The following CDKN2B-AS1 variants were observed in gnomAD, a reference collection of about 807,000 sequenced individuals.
CDKN2B-AS1 encodes the protein CDKN2B antisense RNA 1 (non-protein coding).
intron 1 of CDKN2B-AS1, among the ~76,000 whole-genome samples, chr9:21,998,622 GTTAA>G (rs1056452321): frequency 4.6e-5 from 7 of 152,182 alleles, no homozygotes; most frequent in African/African-American, 1.7e-4. Flanking sequence ...AAAAACCTGA[GTTAA>G]TTGAGTTTTT....
chr9:22,063,375 G>A (rs567085762), intron 4 of CDKN2B-AS1, among the ~76,000 whole-genome samples: 2 of 152,276 alleles, frequency 1.3e-5, no homozygotes, highest in South Asian at 2.1e-4. Context: ...TATGTTGCCT[G>A]CTTAAAGTAA....
chr9:22,115,667 G>T (rs1825930857), intron 4 of CDKN2B-AS1, among the ~76,000 whole-genome samples: 1 of 152,052 alleles, frequency 6.6e-6, no homozygotes, highest in Non-Finnish European at 1.5e-5. Context: ...GGGTGGGTGG[G>T]ACCTGTGCTC....
At chr9:22,105,067 C>T (rs1006288073) in intron 4 of CDKN2B-AS1, among the ~76,000 whole-genome samples, 2 of 152,194 alleles carry the variant, frequency 1.3e-5, no homozygotes, top group Non-Finnish European at 1.5e-5. Flanking sequence ...GGGTCCTTAA[C>T]CACCTACTCA....
chr9:22,052,040 C>G (rs903975065), intron 3 of CDKN2B-AS1, among the ~76,000 whole-genome samples: 2 of 152,020 alleles, frequency 1.3e-5, no homozygotes, highest in South Asian at 2.1e-4. Flanking sequence ...GGTGGGGGAT[C>G]CTGGTGGCCA....
Position 22,005,004 on chromosome 9 carries a change from T to C in CDKN2B-AS1, n.29+9843T>C, listed in dbSNP as rs1821094619. ...TTTTAACTGAGAGCCACTAGTTATGTTACTTAAAATCTCCCCATTAAATAA... is the reference window on the plus strand; with the variant it reads ...TTTTAACTGAGAGCCACTAGTTATGCTACTTAAAATCTCCCCATTAAATAA... On this transcript the variant is annotated intron_variant and non_coding_transcript_variant, in intron 1 of 4. Coordinates refer to ENST00000650946, the Ensembl canonical transcript of CDKN2B-AS1. The surrounding 1 kb of genome is among the most constrained non-coding windows in gnomAD (Gnocchi z 4.9). The C allele has an allele frequency of 4.3e-6, 1 of 233,298 alleles. No individual in the cohort carries two copies. The highest frequency in any genetic ancestry group is 6.0e-5 in the East Asian group (1 of 16,592). The allele number at this position is 233,298 out of a possible 1,614,324, so 14.5% of individuals were successfully genotyped here. A position where few individuals can be genotyped will look rare whatever the true frequency, so the allele number is the denominator to read the frequency against.
chr9:22,023,169 C>G (rs865810778), intron 1 of CDKN2B-AS1, among the ~76,000 whole-genome samples: 3 of 152,210 alleles, frequency 2.0e-5, no homozygotes, highest in Middle Eastern at 6.8e-3. Context: ...ATGTTGGCCT[C>G]TCTGGCTAGG....
chr9:22,126,337 A>G (rs182796288), intron 4 of CDKN2B-AS1, among the ~76,000 whole-genome samples: 30 of 152,302 alleles, frequency 2.0e-4, no homozygotes, highest in South Asian at 8.3e-4. Context: ...TGAGAGGTCT[A>G]TCATAGGTGA....
At chr9:22,046,401 T>G (rs75916660) in intron 1 of CDKN2B-AS1, 1 of 152,148 alleles carries the variant, frequency 6.6e-6, no homozygotes, top group African/African-American at 2.4e-5. Context: ...TTTGAGCTCA[T>G]GTACTTAACC....
At chr9:22,073,789 GA>G (rs1824389026) in intron 4 of CDKN2B-AS1, among the ~76,000 whole-genome samples, 1 of 151,988 alleles carries the variant, frequency 6.6e-6, no homozygotes, top group Admixed American at 6.6e-5. Flanking sequence ...ATTTCTATTT[GA>G]GAGTTGGTTG....
intron 1 of CDKN2B-AS1, chr9:22,008,768 C>T: frequency 6.2e-7 from 1 of 1,609,582 alleles, no homozygotes; most frequent in South Asian, 1.1e-5. Context: ...CGCGCGCCCC[C>T]TGCCGGCGAG....
At chr9:22,083,763 G>T (rs992242667) in intron 4 of CDKN2B-AS1, among the ~76,000 whole-genome samples, 1 of 152,182 alleles carries the variant, frequency 6.6e-6, no homozygotes, top group Non-Finnish European at 1.5e-5. Flanking sequence ...TAGGTAAGAT[G>T]CTGAGTTCAG....
At chr9:22,061,689 C>CTT (rs1180745158) in intron 4 of CDKN2B-AS1, among the ~76,000 whole-genome samples, 1 of 151,972 alleles carries the variant, frequency 6.6e-6, no homozygotes, top group Non-Finnish European at 1.5e-5. Flanking sequence ...TTGAAAATTA[C>CTT]TTGTGTTTAT....
At chr9:22,059,876 C>G (rs558931022) in intron 4 of CDKN2B-AS1, among the ~76,000 whole-genome samples, 1 of 152,346 alleles carries the variant, frequency 6.6e-6, no homozygotes, top group East Asian at 1.9e-4. Context: ...CTTGGGGCTT[C>G]CACCCTCTGA....
At chr9:22,060,659 A>T (rs143256360) in intron 4 of CDKN2B-AS1, among the ~76,000 whole-genome samples, 221 of 152,300 alleles carry the variant, frequency 1.5e-3, no homozygotes, top group African/African-American at 4.9e-3. Context: ...AATTTACTGT[A>T]TTAGTCTGTT....
chr9:22,113,014 G>C (rs1277380709), intron 4 of CDKN2B-AS1, among the ~76,000 whole-genome samples: 1 of 152,170 alleles, frequency 6.6e-6, no homozygotes, highest in African/African-American at 2.4e-5. Context: ...GTGACGAAGT[G>C]AGAAAACTGA....
intron 4 of CDKN2B-AS1, among the ~76,000 whole-genome samples, chr9:22,089,825 A>G (rs1366887815): frequency 6.6e-6 from 1 of 151,848 alleles, no homozygotes; most frequent in Non-Finnish European, 1.5e-5. Flanking sequence ...ATAAATTACT[A>G]AATTCTTTTT....
chr9:22,064,563 G>A (rs76106677), intron 4 of CDKN2B-AS1, among the ~76,000 whole-genome samples: 2,146 of 152,282 alleles, frequency 0.014, 16 homozygotes, highest in Non-Finnish European at 0.021. Context: ...ACCTTAATTG[G>A]AATTAATTGA....
At chr9:22,008,182 T>G (rs938277748) in intron 1 of CDKN2B-AS1, among the ~76,000 whole-genome samples, 2 of 152,234 alleles carry the variant, frequency 1.3e-5, no homozygotes, top group Non-Finnish European at 2.9e-5. Flanking sequence ...GCAGGAATAT[T>G]TTTGTAATCT....
intron 1 of CDKN2B-AS1, among the ~76,000 whole-genome samples, chr9:22,016,062 GAT>G (rs1229558626): frequency 5.3e-5 from 8 of 152,172 alleles, no homozygotes; most frequent in Non-Finnish European, 1.2e-4. Context: ...TCACTCTGAT[GAT>G]AGTTTCTTTT....
Sources: allele counts gnomAD v4.1 joint callset (sites outside exome capture counted in the v4.1 genomes callset), GRCh38; gene constraint gnomAD v4.1.1; non-coding constraint Gnocchi (gnomAD v3.1); transcripts MANE v1.5; gene names NCBI Gene and HGNC (gene_info 2026-07-23, HGNC 2026-07-21).